Variants in ARHGAP6 observed in about 807,000 individuals in gnomAD.
The protein encoded by ARHGAP6 is rho GTPase-activating protein 6.
Under a neutral mutation model 55.7 loss-of-function variants are expected in ARHGAP6, and 16 were observed. The observed-to-expected ratio is 0.29, with a 90% CI of 0.19 to 0.44. The LOEUF (loss-of-function observed/expected upper bound fraction) is 0.44, where lower values mean the gene tolerates loss of function less well. Among genes scored for constraint, ARHGAP6 ranks in the 20% least tolerant of loss-of-function variants. ARHGAP6 has a pLI of 1.00. For missense variants in ARHGAP6, 698 were observed against 808.9 expected (o/e 0.86, Z 1.66); for synonymous variants, 382 against 360.9 (o/e 1.06, Z -0.66).
intron 1 of ARHGAP6, among the ~76,000 whole-genome samples, chrX:11,632,369 C>T (rs938319258): frequency 1.8e-5 from 2 of 112,249 alleles, no homozygotes; most frequent in Non-Finnish European, 3.8e-5. Context: ...TAATACATAA[C>T]AACTTGCCAT....
intron 1 of ARHGAP6, among the ~76,000 whole-genome samples, chrX:11,501,229 T>C (rs1476014985): frequency 9.0e-6 from 1 of 111,690 alleles, no homozygotes; most frequent in African/African-American, 3.3e-5. Context: ...GAAGGGAGGA[T>C]TGCTTCACAC....
intron 1 of ARHGAP6, among the ~76,000 whole-genome samples, chrX:11,612,258 A>G (rs2052110430): frequency 8.9e-6 from 1 of 112,012 alleles, no homozygotes; most frequent in African/African-American, 3.2e-5. Context: ...CTCTTGTTAA[A>G]TACTGTACAC....
intron 1 of ARHGAP6, among the ~76,000 whole-genome samples, chrX:11,384,414 T>C (rs1024781487): frequency 3.6e-5 from 4 of 111,725 alleles, no homozygotes; most frequent in Non-Finnish European, 5.6e-5. Flanking sequence ...GACAGTTTAA[T>C]CAACAACAAA....
chrX:11,551,613 G>A (rs1415508262), intron 1 of ARHGAP6, among the ~76,000 whole-genome samples: 1 of 111,797 alleles, frequency 8.9e-6, no homozygotes, highest in Non-Finnish European at 1.9e-5. Flanking sequence ...ACCTTATGTG[G>A]AGATAGGGAA....
At chrX:11,591,625 A>G (rs1349609983) in intron 1 of ARHGAP6, among the ~76,000 whole-genome samples, 1 of 111,666 alleles carries the variant, frequency 9.0e-6, no homozygotes, top group African/African-American at 3.2e-5. Flanking sequence ...GATACCATTT[A>G]TACAAATTGA....
At chrX:11,362,231 A>G (rs2049021753) in intron 1 of ARHGAP6, among the ~76,000 whole-genome samples, 1 of 111,830 alleles carries the variant, frequency 8.9e-6, no homozygotes. Context: ...CACTATTCAC[A>G]ATAGCAAAGT....
chrX:11,186,112 C>G (rs2046383576), intron 5 of ARHGAP6, 124 bp downstream of exon 5: 6 of 666,553 alleles, frequency 9.0e-6, no homozygotes, highest in Non-Finnish European at 1.4e-5. Context: ...TGTACACTTT[C>G]ACACAGTAAA....
intron 1 of ARHGAP6, among the ~76,000 whole-genome samples, chrX:11,295,266 T>C (rs1249819055): frequency 9.0e-6 from 1 of 111,429 alleles, no homozygotes; most frequent in Non-Finnish European, 1.9e-5. Flanking sequence ...TCCAAATCTC[T>C]TCCTGCCCTC....
chrX:11,410,278 A>G (rs1264998295), intron 1 of ARHGAP6, among the ~76,000 whole-genome samples: 1 of 112,633 alleles, frequency 8.9e-6, no homozygotes, highest in African/African-American at 3.2e-5. Context: ...CATATGATGA[A>G]ATATTATATG....
intron 1 of ARHGAP6, among the ~76,000 whole-genome samples, chrX:11,434,268 G>A (rs1019172523): frequency 8.9e-6 from 1 of 111,973 alleles, no homozygotes; most frequent in Non-Finnish European, 1.9e-5. Context: ...CCACTTAGCA[G>A]TACCTCTCAC....
chrX:11,374,387 A>G (rs184711405), intron 1 of ARHGAP6, among the ~76,000 whole-genome samples: 1 of 111,344 alleles, frequency 9.0e-6, no homozygotes, highest in Admixed American at 9.5e-5. Flanking sequence ...TATAAAGAAA[A>G]CCTCTGAGGA....
At chrX:11,235,845 C>G (rs982359424) in intron 2 of ARHGAP6, among the ~76,000 whole-genome samples, 2 of 111,645 alleles carry the variant, frequency 1.8e-5, no homozygotes, top group Admixed American at 1.9e-4. Context: ...GCATTTTGGT[C>G]AAAGCCATTC....
chrX:11,322,766 T>C (rs1205022424), intron 1 of ARHGAP6, among the ~76,000 whole-genome samples: 1 of 112,609 alleles, frequency 8.9e-6, no homozygotes, highest in Non-Finnish European at 1.9e-5. Flanking sequence ...TTAAGCACAA[T>C]AGATTGACAA....
intron 2 of ARHGAP6, among the ~76,000 whole-genome samples, chrX:11,212,074 GAC>G (rs2046810656): frequency 1.8e-5 from 2 of 111,416 alleles, no homozygotes; most frequent in South Asian, 7.7e-4. Context: ...GTTGGCATCT[GAC>G]ACAGAATGTG....
chrX:11,403,352 C>T (rs1397799575), intron 1 of ARHGAP6, among the ~76,000 whole-genome samples: 3 of 111,284 alleles, frequency 2.7e-5, no homozygotes, highest in Admixed American at 9.6e-5. Context: ...AGCCACTAGC[C>T]CCAAGTGACC....
At chrX:11,277,801 T>C (rs181228970) in intron 1 of ARHGAP6, among the ~76,000 whole-genome samples, 2 of 111,475 alleles carry the variant, frequency 1.8e-5, no homozygotes, top group African/African-American at 6.5e-5. Context: ...TAAAGACTAA[T>C]TGTTGATATC....
At chrX:11,201,286 A>G (rs999699072) in intron 2 of ARHGAP6, among the ~76,000 whole-genome samples, 9 of 112,069 alleles carry the variant, frequency 8.0e-5, no homozygotes, top group Non-Finnish European at 1.5e-4. Flanking sequence ...GACCACCACA[A>G]CTTCCCTGTG....
chrX:11,629,470 G>A (rs1255211028), intron 1 of ARHGAP6, among the ~76,000 whole-genome samples: 1 of 110,501 alleles, frequency 9.0e-6, no homozygotes, highest in East Asian at 2.8e-4. Context: ...ACTGCACTTG[G>A]AACATGGAAT....
At chrX:11,300,596 A>AT in intron 1 of ARHGAP6, 6 of 1,191,234 alleles carry the variant, frequency 5.0e-6, no homozygotes, top group Non-Finnish European at 6.8e-6. Flanking sequence ...TTCTTTTGCA[A>AT]TTTTTTTCAG....
Sources: allele counts gnomAD v4.1 joint callset (sites outside exome capture counted in the v4.1 genomes callset), GRCh38; gene constraint gnomAD v4.1.1; transcripts MANE v1.5; gene names NCBI Gene and HGNC (gene_info 2026-07-23, HGNC 2026-07-21).